The following SCGN variants were observed in gnomAD, a reference collection of about 807,000 sequenced individuals.
SCGN encodes secretagogin.
A neutral mutation model predicts 39.7 loss-of-function variants in SCGN; 30 were observed. The observed-to-expected ratio is 0.76, with a 90% CI of 0.57 to 1.03. The LOEUF (loss-of-function observed/expected upper bound fraction) is 1.03, where lower values mean the gene tolerates loss of function less well. Among genes scored for constraint, SCGN ranks in the 50% least tolerant of loss-of-function variants. The pLI, the probability that SCGN is intolerant of heterozygous loss-of-function variation, is 0.00. For missense variants in SCGN, 353 were observed against 349.4 expected (o/e 1.01, Z -0.08); for synonymous variants, 106 against 114.1 (o/e 0.93, Z 0.45).
At chr6:25,673,223 T>C (rs925320882) in intron 6 of SCGN, among the ~76,000 whole-genome samples, 2 of 152,150 alleles carry the variant, frequency 1.3e-5, no homozygotes, top group African/African-American at 4.8e-5. Context: ...GCTTGGAGGG[T>C]TGCATATTGC....
At chr6:25,685,179 C>T in intron 7 of SCGN, among the ~76,000 whole-genome samples, 1 of 151,956 alleles carries the variant, frequency 6.6e-6, no homozygotes, top group East Asian at 1.9e-4. Context: ...TGAATTTTGC[C>T]CAGTGAGATC....
chr6:25,674,365 T>C (rs1429689500), intron 6 of SCGN, among the ~76,000 whole-genome samples: 5 of 152,208 alleles, frequency 3.3e-5, no homozygotes, highest in African/African-American at 1.2e-4. Context: ...CTTATACTTT[T>C]CAACAAACAG....
At chr6:25,692,328 T>G (rs1006005604) in intron 10 of SCGN, among the ~76,000 whole-genome samples, 81 of 152,356 alleles carry the variant, frequency 5.3e-4, no homozygotes, top group African/African-American at 1.8e-3. Context: ...TAATTTGCTT[T>G]TGAGAGAATG....
intron 4 of SCGN, among the ~76,000 whole-genome samples, chr6:25,665,411 GAATCTAGACTCT>G (rs1441208173): frequency 6.6e-6 from 1 of 152,150 alleles, no homozygotes; most frequent in African/African-American, 2.4e-5. Flanking sequence ...TGCTATCTAG[GAATCTAGACTCT>G]AGAAAATAGC....
intron 7 of SCGN, among the ~76,000 whole-genome samples, chr6:25,683,614 T>C (rs1759665676): frequency 6.7e-6 from 1 of 149,630 alleles, no homozygotes; most frequent in Non-Finnish European, 1.5e-5. Context: ...AATGATAAAA[T>C]AATGCACATT....
chr6:25,669,432 T>C, intron 4 of SCGN, 79 bp from the exon 5 acceptor site: 1 of 1,211,500 alleles, frequency 8.3e-7, no homozygotes, highest in Non-Finnish European at 1.2e-6. Context: ...TGTTTTCAGA[T>C]GCTGAACTGT....
chr6:25,664,884 G>A, intron 3 of SCGN, 59 bp from the exon 4 acceptor site: 3 of 1,305,540 alleles, frequency 2.3e-6, no homozygotes, highest in South Asian at 1.2e-5. Flanking sequence ...TTACCAGGGA[G>A]CACTCTTGAA....
intron 6 of SCGN, among the ~76,000 whole-genome samples, chr6:25,674,643 T>C (rs1759542260): frequency 6.6e-6 from 1 of 152,232 alleles, no homozygotes; most frequent in Non-Finnish European, 1.5e-5. Flanking sequence ...TTAAATGAAT[T>C]CAAACTGATC....
At chr6:25,689,645 C>G in intron 9 of SCGN, 113 bp downstream of exon 9, 1 of 827,090 alleles carries the variant, frequency 1.2e-6, no homozygotes, top group Non-Finnish European at 2.0e-6. Context: ...GAATACCAAT[C>G]CCATCTGTGT....
chr6:25,697,905 G>C (rs1461727598), intron 10 of SCGN, among the ~76,000 whole-genome samples: 2 of 152,336 alleles, frequency 1.3e-5, no homozygotes, highest in East Asian at 3.9e-4. Flanking sequence ...ACATGTGTCA[G>C]CTGTGTGACA....
intron 2 of SCGN, 36 bp from the exon 3 acceptor site, chr6:25,661,516 A>C (rs775301325): frequency 7.2e-7 from 1 of 1,390,268 alleles, no homozygotes. Context: ...TTGAGATTCC[A>C]GTGGCTTTAA....
At chr6:25,670,266 C>A (rs1759477851) in intron 6 of SCGN, among the ~76,000 whole-genome samples, 190 bp downstream of exon 6, 1 of 152,214 alleles carries the variant, frequency 6.6e-6, no homozygotes, top group African/African-American at 2.4e-5. Flanking sequence ...GACCAGGTTG[C>A]ATCTATTTGA....
At chr6:25,654,822 C>G (rs1296812415) in intron 2 of SCGN, among the ~76,000 whole-genome samples, 3 of 152,156 alleles carry the variant, frequency 2.0e-5, no homozygotes, top group Admixed American at 2.0e-4. Flanking sequence ...ACCCCTTACC[C>G]TGTGCAGCCT....
chr6:25,686,804 T>A (rs1759711287), intron 7 of SCGN, among the ~76,000 whole-genome samples: 1 of 152,186 alleles, frequency 6.6e-6, no homozygotes. Flanking sequence ...CCCGTTTGTT[T>A]CCTTCTAAGA....
At chr6:25,682,929 C>CAGCT (rs1759656065) in intron 7 of SCGN, among the ~76,000 whole-genome samples, 1 of 152,176 alleles carries the variant, frequency 6.6e-6, no homozygotes, top group African/African-American at 2.4e-5. Flanking sequence ...CCTTTCTTGG[C>CAGCT]AGCTACCTCA....
chr6:25,680,007 A>G (rs1193945858), intron 6 of SCGN, among the ~76,000 whole-genome samples: 1 of 151,914 alleles, frequency 6.6e-6, no homozygotes. Context: ...TAAACAACCT[A>G]CTTCAATCTT....
At chr6:25,661,737 A>T in intron 3 of SCGN, 93 bp downstream of exon 3, 1 of 829,772 alleles carries the variant, frequency 1.2e-6, no homozygotes, top group South Asian at 1.8e-5. Context: ...TCTTTGAAAG[A>T]CAATGGAAAC....
At chr6:25,653,583 CT>C in intron 2 of SCGN, 131 bp downstream of exon 2, 2 of 664,958 alleles carry the variant, frequency 3.0e-6, no homozygotes, top group Middle Eastern at 2.5e-4. Context: ...ATTTCTCCCC[CT>C]CTCCTAGCAA....
At chr6:25,655,189 G>A (rs1561759042) in intron 2 of SCGN, among the ~76,000 whole-genome samples, 1 of 152,328 alleles carries the variant, frequency 6.6e-6, no homozygotes, top group East Asian at 1.9e-4. Flanking sequence ...TAAATGGGAT[G>A]GCCAGCTCCT....
Sources: gnomAD v4.1 joint callset for allele counts (sites outside exome capture counted in the v4.1 genomes callset) on GRCh38, gnomAD v4.1.1 for gene constraint, MANE v1.5 for transcripts, NCBI Gene and HGNC (gene_info 2026-07-23, HGNC 2026-07-21) for gene names.